MCPH1: variants seen among roughly 807,000 people sequenced by gnomAD.
MCPH1 encodes the protein microcephalin 1.
In MCPH1, 104 loss-of-function variants were observed where a neutral mutation model predicts 84.5. The ratio of observed to expected loss-of-function variants is 1.23; its 90% CI spans 1.05 to 1.45. The LOEUF is 1.45. MCPH1 is among the 40% of genes most tolerant of loss of function. The pLI, the probability that MCPH1 is intolerant of heterozygous loss-of-function variation, is 0.00. For synonymous variants in MCPH1, 514 were observed against 366.8 expected (o/e 1.40, Z -4.58); for missense variants, 1,498 against 1,005.7 (o/e 1.49, Z -6.62).
At chr8:6,409,125 A>G (rs1798177597) in intron 1 of MCPH1, 154 bp from the exon 2 acceptor site, 2 of 169,582 alleles carry the variant, frequency 1.2e-5, no homozygotes, top group Non-Finnish European at 1.2e-5. Context: ...GACTTCGTGG[A>G]TCCACCCACT....
intron 9 of MCPH1, among the ~76,000 whole-genome samples, chr8:6,474,598 A>C (rs1808195999): frequency 6.6e-6 from 1 of 152,250 alleles, no homozygotes; most frequent in Non-Finnish European, 1.5e-5. Flanking sequence ...AATTTGATTA[A>C]GCACAAATTT....
At chr8:6,591,685 C>T (rs1241665313) in intron 12 of MCPH1, among the ~76,000 whole-genome samples, 2 of 152,122 alleles carry the variant, frequency 1.3e-5, no homozygotes, top group Non-Finnish European at 1.5e-5. Flanking sequence ...CCTCCTGCTT[C>T]AGTGTTATTG....
chr8:6,539,333 CTGTTT>C (rs1336901683), intron 12 of MCPH1, among the ~76,000 whole-genome samples: 2 of 152,194 alleles, frequency 1.3e-5, no homozygotes, highest in Non-Finnish European at 2.9e-5. Context: ...CATCTGTTGA[CTGTTT>C]TTATAGTCTT....
At chr8:6,486,104 C>A (rs985806532) in intron 11 of MCPH1, among the ~76,000 whole-genome samples, 1 of 152,038 alleles carries the variant, frequency 6.6e-6, no homozygotes, top group Non-Finnish European at 1.5e-5. Flanking sequence ...ATTTACAAAG[C>A]CATTCTACAT....
At chr8:6,561,664 A>G (rs986045653) in intron 12 of MCPH1, among the ~76,000 whole-genome samples, 15 of 152,254 alleles carry the variant, frequency 9.9e-5, no homozygotes, top group Admixed American at 9.2e-4. Context: ...TCATCATGCT[A>G]CTTAACAATT....
At chr8:6,490,853 TG>T (rs1810483164) in intron 11 of MCPH1, among the ~76,000 whole-genome samples, 1 of 151,942 alleles carries the variant, frequency 6.6e-6, no homozygotes, top group South Asian at 2.1e-4. Flanking sequence ...TTCTTTTTCT[TG>T]GGTTCTTGTT....
intron 12 of MCPH1, among the ~76,000 whole-genome samples, chr8:6,557,128 C>T (rs1824751299): frequency 6.6e-6 from 1 of 152,200 alleles, no homozygotes; most frequent in African/African-American, 2.4e-5. Context: ...ACACTCCTCT[C>T]AGCAGTTTTC....
intron 9 of MCPH1, chr8:6,477,256 C>A (rs1018401299): frequency 1.5e-5 from 4 of 273,312 alleles, no homozygotes; most frequent in South Asian, 5.0e-5. Flanking sequence ...CAAAAACACC[C>A]TTCTTACCCT....
chr8:6,517,253 G>A (rs900404674), intron 12 of MCPH1, among the ~76,000 whole-genome samples: 5 of 152,130 alleles, frequency 3.3e-5, no homozygotes, highest in African/African-American at 9.7e-5. Flanking sequence ...ACTGGTGCAT[G>A]GTGCAGGAAC....
chr8:6,558,392 C>T (rs922866738), intron 12 of MCPH1, among the ~76,000 whole-genome samples: 10 of 152,116 alleles, frequency 6.6e-5, no homozygotes, highest in East Asian at 1.9e-4. Context: ...ACTCCCATGG[C>T]GGTAGAGTTG....
At chr8:6,556,582 C>T (rs753114924) in intron 12 of MCPH1, among the ~76,000 whole-genome samples, 5 of 152,038 alleles carry the variant, frequency 3.3e-5, no homozygotes, top group Non-Finnish European at 7.4e-5. Context: ...AGCATAGTGT[C>T]CCCCTGGGGC....
chr8:6,475,005 G>A (rs942816710), intron 9 of MCPH1, among the ~76,000 whole-genome samples: 1 of 152,140 alleles, frequency 6.6e-6, no homozygotes, highest in Non-Finnish European at 1.5e-5. Context: ...TAGTGCTGTT[G>A]AAAGTATTAT....
chr8:6,499,582 A>C (rs1399339557), intron 11 of MCPH1: 1 of 256,618 alleles, frequency 3.9e-6, no homozygotes, highest in East Asian at 7.0e-5. Flanking sequence ...CATATGTGTA[A>C]AAACAGGATA....
At chr8:6,531,779 G>T (rs1819565768) in intron 12 of MCPH1, among the ~76,000 whole-genome samples, 1 of 128,596 alleles carries the variant, frequency 7.8e-6, no homozygotes, top group African/African-American at 2.9e-5. Context: ...CCATGGCAGC[G>T]CTCAGGGCTC....
intron 13 of MCPH1, chr8:6,626,685 A>G (rs1586861264): frequency 2.0e-6 from 2 of 985,208 alleles, no homozygotes; most frequent in African/African-American, 1.7e-5. Context: ...TTCCCATTTT[A>G]TAAGTCACGA....
At chr8:6,411,591 G>T (rs1278576248) in intron 2 of MCPH1, among the ~76,000 whole-genome samples, 1 of 152,188 alleles carries the variant, frequency 6.6e-6, no homozygotes. Flanking sequence ...TTCTAATCTT[G>T]AAATTGTGAA....
At chr8:6,481,322 G>A (rs534760593) in intron 11 of MCPH1, among the ~76,000 whole-genome samples, 93 of 152,242 alleles carry the variant, frequency 6.1e-4, no homozygotes, top group African/African-American at 2.0e-3. Flanking sequence ...AATCCCATTT[G>A]GATAGGTTTT....
At chr8:6,586,302 G>A (rs1317086430) in intron 12 of MCPH1, among the ~76,000 whole-genome samples, 2 of 152,094 alleles carry the variant, frequency 1.3e-5, no homozygotes, top group African/African-American at 2.4e-5. Context: ...TAATACAGAT[G>A]GGACCAACTA....
intron 12 of MCPH1, among the ~76,000 whole-genome samples, chr8:6,570,155 T>C (rs1205370532): frequency 6.6e-6 from 1 of 152,244 alleles, no homozygotes; most frequent in East Asian, 1.9e-4. Flanking sequence ...TTTCATCCAA[T>C]GTGGATCGCT....
Sources: gnomAD v4.1 joint callset for allele counts (sites outside exome capture counted in the v4.1 genomes callset) on GRCh38, gnomAD v4.1.1 for gene constraint, MANE v1.5 for transcripts, NCBI Gene and HGNC (gene_info 2026-07-23, HGNC 2026-07-21) for gene names.